Variants in GOT1 observed in about 807,000 individuals in gnomAD.
The protein encoded by GOT1 is glutamic-oxaloacetic transaminase 1, also known as aspartate aminotransferase, cytoplasmic.
In GOT1, 25 loss-of-function variants were observed where a neutral mutation model predicts 48.2. That is an observed-to-expected ratio of 0.52 (90% confidence interval 0.38 to 0.72). GOT1 has a LOEUF of 0.72. GOT1 is among the 30% of genes least tolerant of loss of function. The probability of loss-of-function intolerance (pLI) is 0.00; values close to 1 mark genes in which losing one functional copy is unlikely to be tolerated. For synonymous variants in GOT1, 188 were observed against 193.8 expected (o/e 0.97, Z 0.25); for missense variants, 380 against 520.1 (o/e 0.73, Z 2.62).
chr10:99,405,767 A>C lies in GOT1; in HGVS notation c.631T>G (p.Ser211Ala), dbSNP rs371211759. 2.6e-6 allele frequency: 4 copies of C among 1,563,622 alleles called. No homozygotes were observed. The highest frequency in any genetic ancestry group is 3.5e-6 in the Non-Finnish European group (4 of 1,133,906). ...GAAGGGGCAGTTACCTTCATGACAG[A>C]AGCAATCTGCTTCCACTGCTCCGGA... Reference protein sequence around the residue: ...PTPEQWKQIASVMKHRFLFPF... With the variant: ...PTPEQWKQIAAVMKHRFLFPF... Residue 211 changes from serine to alanine, a missense_variant, in exon 5 of 9, where the codon TCT (serine) becomes GCT (alanine). By Grantham distance (99) the Ser-to-Ala change is moderately conservative. Coordinates refer to ENST00000370508, the MANE Select transcript of GOT1 (RefSeq NM_002079.3).
chr10:99,427,834 G>A (rs2033061096), intron 1 of GOT1, among the ~76,000 whole-genome samples: 1 of 152,194 alleles, frequency 6.6e-6, no homozygotes, highest in South Asian at 2.1e-4. Context: ...GTGGTCAAAT[G>A]ACCTGGGGCA....
intron 2 of GOT1, 32 bp from the exon 3 acceptor site, chr10:99,406,881 T>A (rs777932785): frequency 6.2e-7 from 1 of 1,609,958 alleles, no homozygotes; most frequent in African/African-American, 1.3e-5. Flanking sequence ...CACAGGCTGA[T>A]AATGGTGAGG....
intron 2 of GOT1, among the ~76,000 whole-genome samples, chr10:99,418,061 AAT>A (rs1554947820): frequency 6.7e-6 from 1 of 149,088 alleles, no homozygotes; most frequent in Non-Finnish European, 1.5e-5. Context: ...TAAAAAAAAA[AAT>A]ATATATATAT....
At position 99,402,603 on chromosome 10, in the gene GOT1, A is replaced by G. The variant is rs1163857670; in HGVS notation, c.1079T>C (p.Met360Thr). 1.2e-6 allele frequency: 2 copies of G among 1,614,106 alleles called. No individual in the cohort carries two copies. The highest frequency in any genetic ancestry group is 1.7e-6 in the Non-Finnish European group (2 of 1,180,048). ...TWNHITDQIG[M>T]FSFTGLNPKQ... ...ACGGTTCAACCCAGTGAAGCTGAACATGCCAATTTGATCAGTGATGTGGTT... is the reference window on the plus strand; with the variant it reads ...ACGGTTCAACCCAGTGAAGCTGAACGTGCCAATTTGATCAGTGATGTGGTT... The change falls in exon 8 of 9, where the codon ATG (methionine) becomes ACG (threonine). Residue 360 changes from methionine to threonine, a missense_variant. By Grantham distance (81) the Met-to-Thr change is moderately conservative. Coordinates refer to ENST00000370508, the MANE Select transcript of GOT1 (RefSeq NM_002079.3).
intron 2 of GOT1, among the ~76,000 whole-genome samples, chr10:99,407,250 C>T (rs1040822003): frequency 1.3e-5 from 2 of 152,006 alleles, no homozygotes; most frequent in African/African-American, 4.8e-5. Flanking sequence ...TCTTCAGCAC[C>T]CATCCTAAGA....
intron 1 of GOT1, among the ~76,000 whole-genome samples, chr10:99,422,666 G>A (rs1414515513): frequency 6.6e-6 from 1 of 151,992 alleles, no homozygotes; most frequent in Non-Finnish European, 1.5e-5. Flanking sequence ...ACAACTGTTA[G>A]TTTCTTACAT....
At chr10:99,418,432 G>A (rs1246417842) in intron 2 of GOT1, among the ~76,000 whole-genome samples, 1 of 150,670 alleles carries the variant, frequency 6.6e-6, no homozygotes, top group Non-Finnish European at 1.5e-5. Context: ...GTCAGCAACA[G>A]AATTCCAACT....
At chr10:99,405,667 C>T (rs906532372) in intron 5 of GOT1, 89 bp downstream of exon 5, 12 of 703,338 alleles carry the variant, frequency 1.7e-5, no homozygotes, top group Middle Eastern at 3.4e-4. Flanking sequence ...TTCCTAATTC[C>T]TCAGCAAACA....
rs1193161813 is a variant in GOT1, at chr10:99,406,246, T to C, written c.428A>G (p.Asn143Ser). ...PVYVSSPTWE[N>S]HNAVFSAAGF... ...AGCAGCGGAAAACACAGCATTGTGA[T>C]TCTCTGCATGCAAAGAAGTAAAAAG... is the stretch of plus-strand genomic sequence containing the variant. The change falls in exon 4 of 9, where the codon AAT becomes AGT. Residue 143 changes from asparagine (N) to serine (S), a missense_variant. By Grantham distance (46) the Asn-to-Ser change is conservative. Coordinates refer to ENST00000370508, the MANE Select transcript of GOT1 (RefSeq NM_002079.3). 5.6e-6 allele frequency: 9 copies of C among 1,607,400 alleles called. No individual in the cohort carries two copies. Among genetic ancestry groups the C allele is most frequent in the Non-Finnish European group, 7.7e-6 (9 of 1,173,940 alleles).
rs200205632 is a variant in GOT1, at chr10:99,420,830, A to G, written c.119-25T>C. On this transcript the variant is annotated intron_variant, in intron 1 of 8. Transcript: ENST00000370508. ...GCTGGAGAATGGAAAAGAGTTATAC[A>G]TAGTGGAGGCTCATGCTGTGTCCAA... The G allele has an allele frequency of 2.5e-5, 40 of 1,582,312 alleles. No individual in the cohort carries two copies. The African/African-American group carries it at 4.4e-4, about 18-fold the overall frequency.
intron 1 of GOT1, among the ~76,000 whole-genome samples, chr10:99,423,760 TGCC>T (rs2033001754): frequency 6.6e-6 from 1 of 152,064 alleles, no homozygotes; most frequent in Non-Finnish European, 1.5e-5. Context: ...GCAATTCTCT[TGCC>T]TCAGCTTCCC....
At chr10:99,415,439 G>A (rs903244344) in intron 2 of GOT1, among the ~76,000 whole-genome samples, 19 of 152,336 alleles carry the variant, frequency 1.2e-4, no homozygotes, top group African/African-American at 4.6e-4. Flanking sequence ...CTGAAATTGA[G>A]GCAGTAATTA....
chr10:99,412,126 G>A (rs972473861), intron 2 of GOT1, among the ~76,000 whole-genome samples: 2 of 152,130 alleles, frequency 1.3e-5, no homozygotes, highest in Admixed American at 1.3e-4. Flanking sequence ...TCCAAATGGA[G>A]AGAAGGGCCA....
At chr10:99,408,454 C>T (rs1198614362) in intron 2 of GOT1, among the ~76,000 whole-genome samples, 2 of 152,172 alleles carry the variant, frequency 1.3e-5, no homozygotes, top group South Asian at 2.1e-4. Flanking sequence ...CAGTGGCTCA[C>T]GCCTGTAATC....
At chr10:99,403,444 GC>G (rs774770413) in intron 7 of GOT1, 24 bp downstream of exon 7, 1 of 1,592,306 alleles carries the variant, frequency 6.3e-7, no homozygotes, top group South Asian at 1.1e-5. Context: ...CCACCCCCCG[GC>G]CCACCAGACT....
chr10:99,402,623 G>A lies in GOT1; in HGVS notation c.1059C>T (p.His353=), dbSNP rs773267749. The change falls in exon 8 of 9, where the codon CAC becomes CAT. Residue 353 remains histidine (H), a synonymous_variant. Transcript: ENST00000370508. ...TGAACATGCCAATTTGATCAGTGAT[G>A]TGGTTCCAGGTCCCAGGGGTTTTGA... ...EALKTPGTWN[H]ITDQIGMFSF... The A allele has an allele frequency of 5.6e-6, 9 of 1,614,092 alleles. No homozygotes were observed. Among genetic ancestry groups the A allele is most frequent in the South Asian group, 1.1e-5 (1 of 91,090 alleles).
chr10:99,420,146 A>G (rs2032948351), intron 2 of GOT1: 1 of 154,408 alleles, frequency 6.5e-6, no homozygotes, highest in South Asian at 2.0e-4. Context: ...AGAAATAAGT[A>G]CACACAAAAT....
chr10:99,397,664 G>A lies in GOT1; in HGVS notation c.1125C>T (p.Val375=). Reference sequence around the variant, plus strand: ...GCAGCAGGTAGATGTGCTTTTCATTGACCAGATACTCAACCTGCTTGGCTG... The same window carrying A: ...GCAGCAGGTAGATGTGCTTTTCATTAACCAGATACTCAACCTGCTTGGCTG... ...GLNPKQVEYL[V]NEKHIYLLPS... Residue 375 remains valine, a synonymous_variant, in exon 9 of 9, where the codon GTC becomes GTT. Coordinates refer to ENST00000370508, the MANE Select transcript of GOT1 (RefSeq NM_002079.3). This position sits in a 1 kb window ranked among gnomAD's most constrained non-coding sequence, Gnocchi z 5.4. The A allele has an allele frequency of 6.2e-7, 1 of 1,614,042 alleles. No individual in the cohort carries two copies. Among genetic ancestry groups the A allele is most frequent in the Non-Finnish European group, 8.5e-7 (1 of 1,179,926 alleles).
At chr10:99,406,080 T>C in intron 4 of GOT1, 57 bp downstream of exon 4, 1 of 1,202,070 alleles carries the variant, frequency 8.3e-7, no homozygotes, top group South Asian at 1.2e-5. Flanking sequence ...GTCCAAAGAC[T>C]TTGCCTGAGA....
Sources: allele counts gnomAD v4.1 joint callset (sites outside exome capture counted in the v4.1 genomes callset), GRCh38; gene constraint gnomAD v4.1.1; non-coding constraint Gnocchi (gnomAD v3.1); transcripts MANE v1.5; gene names NCBI Gene and HGNC (gene_info 2026-07-23, HGNC 2026-07-21).